Variants in TBL1X observed in about 807,000 individuals in gnomAD.
TBL1X encodes F-box-like/WD repeat-containing protein TBL1X.
A neutral mutation model predicts 50.7 loss-of-function variants in TBL1X; 10 were observed. The ratio of observed to expected loss-of-function variants is 0.20; its 90% CI spans 0.12 to 0.33. The LOEUF (loss-of-function observed/expected upper bound fraction) is 0.33. Ranked by LOEUF, TBL1X falls within the 10% of genes least tolerant of loss-of-function variation. TBL1X has a pLI of 1.00. For missense variants in TBL1X, 340 were observed against 504.4 expected (o/e 0.67, Z 3.12); for synonymous variants, 190 against 214.7 (o/e 0.88, Z 1.01).
At chrX:9,552,359 T>C (rs2082274985) in intron 2 of TBL1X, among the ~76,000 whole-genome samples, 1 of 111,755 alleles carries the variant, frequency 8.9e-6, no homozygotes, top group African/African-American at 3.3e-5. Flanking sequence ...ACAGTACATG[T>C]GAGCGTGAAA....
chrX:9,605,196 A>G (rs1424466009), intron 2 of TBL1X, among the ~76,000 whole-genome samples: 1 of 110,805 alleles, frequency 9.0e-6, no homozygotes, highest in Non-Finnish European at 1.9e-5. Flanking sequence ...GATAGGGGAT[A>G]TGATTTCACA....
intron 2 of TBL1X, among the ~76,000 whole-genome samples, chrX:9,639,480 A>T: frequency 1.8e-5 from 2 of 112,168 alleles, no homozygotes; most frequent in Middle Eastern, 4.6e-3. Context: ...TTATAAGGTA[A>T]ATATCATTAG....
At chrX:9,631,074 A>G (rs1312391482) in intron 2 of TBL1X, among the ~76,000 whole-genome samples, 1 of 111,322 alleles carries the variant, frequency 9.0e-6, no homozygotes, top group Non-Finnish European at 1.9e-5. Context: ...CATAGAGAAG[A>G]CTCTGGCTTT....
At chrX:9,639,463 A>C (rs2082764102) in intron 2 of TBL1X, among the ~76,000 whole-genome samples, 1 of 112,066 alleles carries the variant, frequency 8.9e-6, no homozygotes, top group Non-Finnish European at 1.9e-5. Flanking sequence ...TCACAACCAA[A>C]GAAATTTTAT....
intron 2 of TBL1X, among the ~76,000 whole-genome samples, chrX:9,542,615 C>T (rs895068592): frequency 2.7e-5 from 3 of 110,698 alleles, no homozygotes; most frequent in African/African-American, 6.7e-5. Context: ...GAGCGGGCAG[C>T]GTTGCCTTCG....
rs746013426 is a variant in TBL1X, at chrX:9,484,317, T to TACACAC, written c.-200-17450_-200-17445dup. Among the ~76,000 whole-genome samples, 318 of 108,820 alleles carry TACACAC rather than the reference T, an allele frequency of 2.9e-3. 2 individuals carry two copies. Among genetic ancestry groups the TACACAC allele is most frequent in the African/African-American group, 0.01 (298 of 29,614 alleles). 94.5% of individuals were successfully genotyped at this position (108,820 alleles called of 115,157 possible). A position where few individuals can be genotyped will look rare whatever the true frequency, so the allele number is the denominator to read the frequency against. ...CCACCGTGCCTGGCTCGTTTTTTCATACACACACACACACACACCCATATT... is the reference window on the plus strand; with the variant it reads ...CCACCGTGCCTGGCTCGTTTTTTCATACACACACACACACACACACACACCCATATT... On this transcript the variant is annotated intron_variant, in intron 1 of 17. Transcript: ENST00000645353.
chrX:9,616,437 A>T (rs1362967555), intron 2 of TBL1X, among the ~76,000 whole-genome samples: 1 of 111,864 alleles, frequency 8.9e-6, no homozygotes, highest in Non-Finnish European at 1.9e-5. Context: ...TACTTTTGCC[A>T]ATTAAAAGAC....
chrX:9,690,133 G>A lies in TBL1X; in HGVS notation c.617-1446G>A, dbSNP rs2083088038. On this transcript the variant is annotated intron_variant, in intron 7 of 17. Transcript: ENST00000645353. ...ATCAGGCTATATTGCTCCTTTCTCA[G>A]GAGCATAAACCAGGGTCTAGCAAAC... Among the ~76,000 whole-genome samples, 4 of 112,322 alleles carry A rather than the reference G, an allele frequency of 3.6e-5. No individual in the cohort carries two copies. The Admixed American group carries it at 3.8e-4, about 11-fold the overall frequency.
intron 2 of TBL1X, among the ~76,000 whole-genome samples, chrX:9,578,627 TG>T (rs2082424727): frequency 9.0e-6 from 1 of 111,519 alleles, no homozygotes; most frequent in Non-Finnish European, 1.9e-5. Context: ...TCAGTACAAA[TG>T]GGTTGCCTGT....
At chrX:9,683,548 C>T (rs769076121) in intron 5 of TBL1X, among the ~76,000 whole-genome samples, 168 of 111,568 alleles carry the variant, frequency 1.5e-3, no homozygotes, top group African/African-American at 5.1e-3. Context: ...ACTTGCCCCG[C>T]GTGCCAGGAG....
intron 1 of TBL1X, among the ~76,000 whole-genome samples, chrX:9,495,903 G>A (rs1477902347): frequency 8.9e-6 from 1 of 111,961 alleles, no homozygotes; most frequent in East Asian, 2.8e-4. Context: ...ATGTGCATTT[G>A]GTGACACAGC....
At chrX:9,586,687 G>A (rs1247817335) in intron 2 of TBL1X, among the ~76,000 whole-genome samples, 1 of 112,038 alleles carries the variant, frequency 8.9e-6, no homozygotes, top group African/African-American at 3.2e-5. Context: ...GATGGCTTGA[G>A]GCCAGGAATT....
chrX:9,476,151 T>A (rs2081848402), intron 1 of TBL1X, among the ~76,000 whole-genome samples: 2 of 112,237 alleles, frequency 1.8e-5, no homozygotes, highest in East Asian at 5.6e-4. Context: ...GGAAGTAGAA[T>A]TTTTTACTAT....
intron 3 of TBL1X, among the ~76,000 whole-genome samples, chrX:9,647,216 TATAA>T (rs1376583137): frequency 9.0e-6 from 1 of 111,663 alleles, no homozygotes; most frequent in African/African-American, 3.3e-5. Context: ...AAAAAAATAC[TATAA>T]ATAATCTCCC....
chrX:9,580,860 A>T (rs2082437554), intron 2 of TBL1X, among the ~76,000 whole-genome samples: 3 of 111,792 alleles, frequency 2.7e-5, no homozygotes, highest in Admixed American at 9.4e-5. Context: ...TGTAGCCTCC[A>T]GGTAGCAGGC....
chrX:9,652,778 G>A (rs985074606), intron 3 of TBL1X, among the ~76,000 whole-genome samples: 9 of 108,837 alleles, frequency 8.3e-5, no homozygotes, highest in Admixed American at 7.8e-4. Context: ...TTGAGCCCGG[G>A]AGGTGGAGGT....
chrX:9,577,913 C>A (rs769445768), intron 2 of TBL1X, among the ~76,000 whole-genome samples: 27 of 112,391 alleles, frequency 2.4e-4, no homozygotes, highest in Admixed American at 9.4e-5. Flanking sequence ...TGAGTCAAGA[C>A]GGTGACACAG....
intron 2 of TBL1X, among the ~76,000 whole-genome samples, chrX:9,561,760 T>C (rs1248391665): frequency 8.9e-6 from 1 of 112,273 alleles, no homozygotes; most frequent in Non-Finnish European, 1.9e-5. Context: ...CTATAGACAT[T>C]GGTGACCTAG....
At chrX:9,567,415 C>T (rs987555612) in intron 2 of TBL1X, among the ~76,000 whole-genome samples, 1 of 111,055 alleles carries the variant, frequency 9.0e-6, no homozygotes, top group Non-Finnish European at 1.9e-5. Context: ...GAAATTGGCC[C>T]GTTGAGGAAG....
Sources: allele counts gnomAD v4.1 joint callset (sites outside exome capture counted in the v4.1 genomes callset), GRCh38; gene constraint gnomAD v4.1.1; transcripts MANE v1.5; gene names NCBI Gene and HGNC (gene_info 2026-07-23, HGNC 2026-07-21).